SEC14L2: variants seen among roughly 807,000 people sequenced by gnomAD.
The protein encoded by SEC14L2 is SEC14 like lipid binding 2.
Under a neutral mutation model 56.9 loss-of-function variants are expected in SEC14L2, and 50 were observed. The observed-to-expected ratio is 0.88, with a 90% CI of 0.70 to 1.11. The LOEUF (loss-of-function observed/expected upper bound fraction) is 1.11, where lower values mean the gene tolerates loss of function less well. Among genes scored for constraint, SEC14L2 ranks in the 50% most tolerant of loss-of-function variants. SEC14L2 has a pLI of 0.00. For synonymous variants in SEC14L2, 179 were observed against 188.5 expected (o/e 0.95, Z 0.41); for missense variants, 414 against 500.7 (o/e 0.83, Z 1.65).
intron 2 of SEC14L2, 36 bp downstream of exon 2, chr22:30,399,754 G>A: frequency 1.3e-6 from 2 of 1,582,528 alleles, no homozygotes; most frequent in Non-Finnish European, 1.7e-6. Context: ...CTGGGGCAGG[G>A]GCTTGTTCTG....
chr22:30,409,521 G>A, intron 7 of SEC14L2, 35 bp downstream of exon 7: 1 of 1,589,736 alleles, frequency 6.3e-7, no homozygotes, highest in South Asian at 1.1e-5. Context: ...AAGCCAGATG[G>A]AAAAGAGGGG....
chr22:30,421,472 C>CT (rs1569213270), intron 11 of SEC14L2: 3 of 152,222 alleles, frequency 2.0e-5, no homozygotes. Flanking sequence ...GAGCTAACCT[C>CT]TTTTTTAAAA....
intron 8 of SEC14L2, among the ~76,000 whole-genome samples, chr22:30,415,519 C>G (rs1222827999): frequency 6.6e-6 from 1 of 152,162 alleles, no homozygotes; most frequent in African/African-American, 2.4e-5. Flanking sequence ...TGTTCAGACA[C>G]GAGGGCAGGA....
intron 8 of SEC14L2, among the ~76,000 whole-genome samples, chr22:30,413,514 G>C (rs1363783402): frequency 1.3e-5 from 2 of 152,154 alleles, no homozygotes; most frequent in African/African-American, 4.8e-5. Context: ...GAGCACAAGA[G>C]TTTGAGACCA....
chr22:30,411,976 G>A (rs572767308), intron 8 of SEC14L2, among the ~76,000 whole-genome samples: 1 of 152,276 alleles, frequency 6.6e-6, no homozygotes, highest in South Asian at 2.1e-4. Flanking sequence ...AAGGCAGGAA[G>A]CTGCTTGGCA....
rs1232096032 is a variant in SEC14L2 at position 30,423,129 on chromosome 22, T to C, written c.*722T>C. On this transcript the variant is annotated 3_prime_UTR_variant, in exon 12 of 12. Transcript: ENST00000615189. ...CCATGCAAACAAAGCGCCAGGGAAA[T>C]GACCCACAGGGATCGCAGCTGCAGG... 1.3e-5 allele frequency: 2 copies of C among 152,706 alleles called. No homozygotes were observed. The highest frequency in any genetic ancestry group is 2.9e-5 in the Non-Finnish European group (2 of 68,104). 9.5% of individuals were successfully genotyped at this position (152,706 alleles called of 1,614,324 possible).
At chr22:30,414,774 A>T (rs972455048) in intron 8 of SEC14L2, among the ~76,000 whole-genome samples, 2 of 152,168 alleles carry the variant, frequency 1.3e-5, no homozygotes, top group African/African-American at 4.8e-5. Flanking sequence ...TAAAAAAAAA[A>T]AAAAAGAGCC....
chr22:30,406,468 C>A, intron 3 of SEC14L2, 83 bp downstream of exon 3: 1 of 1,384,396 alleles, frequency 7.2e-7, no homozygotes, highest in Non-Finnish European at 1.0e-6. Context: ...ACCTCCCATC[C>A]CAATCACAGC....
At chr22:30,404,380 GGAGAAGGGACTGATTTTCATA>G (rs1934034489) in intron 2 of SEC14L2, among the ~76,000 whole-genome samples, 2 of 152,172 alleles carry the variant, frequency 1.3e-5, no homozygotes, top group Non-Finnish European at 1.5e-5. Flanking sequence ...TATGGGCCCA[GGAGAAGGGACTGATTTTCATA>G]ACGGCAGAGT....
At chr22:30,416,784 C>T in intron 11 of SEC14L2, 1 of 1,218,946 alleles carries the variant, frequency 8.2e-7, no homozygotes, top group Non-Finnish European at 1.0e-6. Flanking sequence ...CATGGGATCA[C>T]AAGGTAAGCA....
intron 5 of SEC14L2, chr22:30,408,953 T>A: frequency 1.7e-6 from 1 of 594,618 alleles, no homozygotes; most frequent in Non-Finnish European, 3.1e-6. Flanking sequence ...AGATGTCATC[T>A]AGATCCACCC....
rs767491995 is a variant in SEC14L2 at position 30,407,610 on chromosome 22, G to A, written c.423+7G>A. 1 of 1,610,724 alleles carries A rather than the reference G, an allele frequency of 6.2e-7. No individual in the cohort carries two copies. The highest frequency in any genetic ancestry group is 1.3e-5 in the African/African-American group (1 of 74,852). ...TGCCCACCAGACCACAAAGGTGAGT[G>A]GACCACCATGGCTAGAAATGAGTTG... On this transcript the variant is annotated splice_region_variant and intron_variant, in intron 5 of 11. Transcript: ENST00000615189.
chr22:30,419,954 TTTC>T (rs1267822699), intron 11 of SEC14L2, among the ~76,000 whole-genome samples: 4 of 151,242 alleles, frequency 2.6e-5, no homozygotes, highest in Admixed American at 6.6e-5. Flanking sequence ...TTTCTTTTCT[TTTC>T]TTTTTTTTTT....
chr22:30,403,032 G>C (rs9608902), intron 2 of SEC14L2, among the ~76,000 whole-genome samples: 3,426 of 152,222 alleles, frequency 0.023, 40 homozygotes, highest in East Asian at 0.032. Flanking sequence ...GAGCTATATC[G>C]CACCACTGCA....
At chr22:30,409,030 G>C in intron 5 of SEC14L2, 157 bp from the exon 6 acceptor site, 1 of 736,734 alleles carries the variant, frequency 1.4e-6, no homozygotes. Context: ...CCACAATTCT[G>C]GCCTGGGGTG....
At chr22:30,418,825 AC>A (rs1934447017) in intron 11 of SEC14L2, among the ~76,000 whole-genome samples, 1 of 152,094 alleles carries the variant, frequency 6.6e-6, no homozygotes. Context: ...GAACCAGGAG[AC>A]CCCTGGAAAG....
intron 11 of SEC14L2, chr22:30,421,177 AC>A (rs1478548590): frequency 6.6e-6 from 1 of 152,066 alleles, no homozygotes; most frequent in Non-Finnish European, 1.5e-5. Flanking sequence ...ACACACACAC[AC>A]ACACACACAC....
Position 30,422,274 on chromosome 22 carries a change from C to T in SEC14L2, c.1082-3C>T, listed in dbSNP as rs1934539690. The stretch of plus-strand genomic sequence containing the variant: ...TGTCTGTCTGGTTTCTGCCTTCCCT[C>T]AGATGTCCTGCGGTTTGACAACACC... On this transcript the variant is annotated splice_polypyrimidine_tract_variant and splice_region_variant and intron_variant, in intron 11 of 11. Transcript: ENST00000615189. The T allele has an allele frequency of 6.2e-7, 1 of 1,614,100 alleles. No individual in the cohort carries two copies. Among genetic ancestry groups the T allele is most frequent in the Non-Finnish European group, 8.5e-7 (1 of 1,179,974 alleles).
At chr22:30,401,083 TATTTTA>T (rs1404999182) in intron 2 of SEC14L2, among the ~76,000 whole-genome samples, 14 of 151,242 alleles carry the variant, frequency 9.3e-5, no homozygotes, top group South Asian at 4.2e-4. Context: ...TATGCCCTAT[TATTTTA>T]ATTTTAATTT....
Sources: gnomAD v4.1 joint callset for allele counts (sites outside exome capture counted in the v4.1 genomes callset) on GRCh38, gnomAD v4.1.1 for gene constraint, MANE v1.5 for transcripts, NCBI Gene and HGNC (gene_info 2026-07-23, HGNC 2026-07-21) for gene names.